The following AFF3 variants were observed in gnomAD, a reference collection of about 807,000 sequenced individuals.
AFF3 encodes AF4/FMR2 family member 3.
A neutral mutation model predicts 129.7 loss-of-function variants in AFF3; 32 were observed. The ratio of observed to expected loss-of-function variants is 0.25; its 90% CI spans 0.19 to 0.33. The LOEUF (loss-of-function observed/expected upper bound fraction) is 0.33, where lower values mean the gene tolerates loss of function less well. Among genes scored for constraint, AFF3 ranks in the 10% least tolerant of loss-of-function variants. The pLI, the probability that AFF3 is intolerant of heterozygous loss-of-function variation, is 1.00. For missense variants in AFF3, 1,373 were observed against 1,592.0 expected (o/e 0.86, Z 2.34); for synonymous variants, 644 against 635.4 (o/e 1.01, Z -0.20).
chr2:100,019,580 G>C (rs1169698309), intron 4 of AFF3, among the ~76,000 whole-genome samples: 1 of 152,166 alleles, frequency 6.6e-6, no homozygotes, highest in Non-Finnish European at 1.5e-5. Context: ...GACCTGTTTT[G>C]GTACAGGCAG....
chr2:100,015,167 T>C (rs76718658), intron 4 of AFF3, among the ~76,000 whole-genome samples: 4,960 of 152,168 alleles, frequency 0.033, 275 homozygotes, highest in African/African-American at 0.11. Context: ...GTTTACCCAC[T>C]GCTAACCTAT....
chr2:99,606,394 C>A, intron 13 of AFF3, among the ~76,000 whole-genome samples: 1 of 152,252 alleles, frequency 6.6e-6, no homozygotes, highest in East Asian at 1.9e-4. Context: ...CTCATGAACA[C>A]GGTGCCATTT....
At chr2:99,661,396 A>G (rs1686217160) in intron 12 of AFF3, among the ~76,000 whole-genome samples, 3 of 152,224 alleles carry the variant, frequency 2.0e-5, no homozygotes, top group Admixed American at 6.5e-5. Context: ...AGATCCTTTT[A>G]TGAATTCTTC....
At chr2:99,614,794 G>T (rs1681257133) in intron 13 of AFF3, among the ~76,000 whole-genome samples, 1 of 152,108 alleles carries the variant, frequency 6.6e-6, no homozygotes, top group Admixed American at 6.5e-5. Flanking sequence ...TTTCAGATGG[G>T]TGAAGAACCT....
intron 8 of AFF3, among the ~76,000 whole-genome samples, chr2:99,767,548 T>C (rs1366221778): frequency 1.3e-5 from 2 of 152,364 alleles, no homozygotes; most frequent in East Asian, 1.9e-4. Context: ...AACATGTATA[T>C]GACACTATGT....
At chr2:100,017,797 C>T (rs186485339) in intron 4 of AFF3, among the ~76,000 whole-genome samples, 3 of 152,288 alleles carry the variant, frequency 2.0e-5, no homozygotes, top group African/African-American at 7.2e-5. Flanking sequence ...AACCAGTAAG[C>T]GACATCACTT....
At chr2:99,624,701 A>T (rs1054096523) in intron 13 of AFF3, among the ~76,000 whole-genome samples, 1 of 152,242 alleles carries the variant, frequency 6.6e-6, no homozygotes, top group African/African-American at 2.4e-5. Context: ...AATGGCAGCA[A>T]GAAAAAGCTT....
intron 7 of AFF3, among the ~76,000 whole-genome samples, chr2:99,878,142 A>T (rs1252971873): frequency 6.6e-6 from 1 of 152,212 alleles, no homozygotes; most frequent in Non-Finnish European, 1.5e-5. Flanking sequence ...GCAGTAGGAG[A>T]AAACAAGAAG....
At chr2:99,552,001 C>T (rs1163307841) in intron 24 of AFF3, among the ~76,000 whole-genome samples, 1 of 152,148 alleles carries the variant, frequency 6.6e-6, no homozygotes, top group Non-Finnish European at 1.5e-5. Context: ...CTCCAGGTTC[C>T]TGGGGGCAAA....
chr2:100,086,820 C>A (rs1349356086), intron 4 of AFF3, among the ~76,000 whole-genome samples: 1 of 152,226 alleles, frequency 6.6e-6, no homozygotes, highest in Non-Finnish European at 1.5e-5. Context: ...AAACAACATT[C>A]CACACATTTA....
At chr2:100,014,545 T>A (rs941150622) in intron 4 of AFF3, among the ~76,000 whole-genome samples, 10 of 152,088 alleles carry the variant, frequency 6.6e-5, no homozygotes, top group African/African-American at 2.4e-4. Context: ...AGGGCACCAA[T>A]TCACAATCAA....
intron 2 of AFF3, among the ~76,000 whole-genome samples, chr2:100,128,624 C>T (rs1395528936): frequency 2.0e-5 from 3 of 152,210 alleles, no homozygotes; most frequent in Admixed American, 2.0e-4. Flanking sequence ...TTGCGACCTG[C>T]ATGCCTAGGT....
intron 7 of AFF3, among the ~76,000 whole-genome samples, chr2:99,912,656 A>AGCT (rs1409784964): frequency 6.6e-6 from 1 of 152,196 alleles, no homozygotes. Context: ...CTCAATCAGG[A>AGCT]AACCATAAAT....
chr2:99,767,665 T>C (rs1179571552), intron 8 of AFF3, among the ~76,000 whole-genome samples: 1 of 152,186 alleles, frequency 6.6e-6, no homozygotes, highest in African/African-American at 2.4e-5. Context: ...ATCAGTGAAA[T>C]GGTGAGCTGC....
At chr2:99,628,923 T>C (rs1682863568) in intron 13 of AFF3, among the ~76,000 whole-genome samples, 1 of 152,082 alleles carries the variant, frequency 6.6e-6, no homozygotes, top group South Asian at 2.1e-4. Flanking sequence ...GGTTTCACCA[T>C]GTTGGCCAGG....
chr2:99,572,290 A>ACC (rs1466407708), intron 18 of AFF3, among the ~76,000 whole-genome samples: 102 of 45,394 alleles, frequency 2.2e-3, no homozygotes, highest in Non-Finnish European at 2.7e-3. Context: ...TCCCCCTCCC[A>ACC]CCACCCCCCC....
chr2:99,861,442 G>GT (rs917907752), intron 7 of AFF3, among the ~76,000 whole-genome samples: 9 of 152,102 alleles, frequency 5.9e-5, no homozygotes, highest in African/African-American at 2.2e-4. Context: ...ATAAATGAGG[G>GT]TAATAACCTA....
chr2:100,006,614 G>A lies in AFF3; in HGVS notation c.873+18C>T, dbSNP rs750286598. Reference sequence around the variant, plus strand: ...GTAACTATGCAGTTGCATGTGAACGGTGCTGATAAAGACTCACCTCCCCCT... The same window carrying A: ...GTAACTATGCAGTTGCATGTGAACGATGCTGATAAAGACTCACCTCCCCCT... On this transcript the variant is annotated intron_variant, in intron 7 of 24. Transcript: ENST00000672756. 1.3e-5 allele frequency: 20 copies of A among 1,591,682 alleles called. No individual in the cohort carries two copies. Among genetic ancestry groups the A allele is most frequent in the Admixed American group, 3.4e-5 (2 of 59,132 alleles).
chr2:99,600,515 G>T (rs1679721522), intron 14 of AFF3, among the ~76,000 whole-genome samples: 1 of 152,142 alleles, frequency 6.6e-6, no homozygotes, highest in Non-Finnish European at 1.5e-5. Context: ...CCACTGAGAT[G>T]GTTTGTAGAA....
Sources: gnomAD v4.1 joint callset for allele counts (sites outside exome capture counted in the v4.1 genomes callset) on GRCh38, gnomAD v4.1.1 for gene constraint, MANE v1.5 for transcripts, NCBI Gene and HGNC (gene_info 2026-07-23, HGNC 2026-07-21) for gene names.